The following VAPB variants were observed in gnomAD, a reference collection of about 807,000 sequenced individuals.
VAPB encodes the protein VAMP associated protein B and C.
Under a neutral mutation model 25.6 loss-of-function variants are expected in VAPB, and 7 were observed. The ratio of observed to expected loss-of-function variants is 0.27; its 90% CI spans 0.16 to 0.51. The LOEUF (loss-of-function observed/expected upper bound fraction) is 0.51. VAPB is among the 20% of genes least tolerant of loss of function. The probability of loss-of-function intolerance (pLI) is 0.97; values close to 1 mark genes in which losing one functional copy is unlikely to be tolerated. For synonymous variants in VAPB, 112 were observed against 109.2 expected (o/e 1.03, Z -0.16); for missense variants, 266 against 301.3 (o/e 0.88, Z 0.87).
At position 58,450,306 on chromosome 20, in the gene VAPB, T is replaced by C. The variant is rs1339411823; in HGVS notation, c.*6071T>C. 2.2e-6 allele frequency: 1 copy of C among 453,896 alleles called. No individual in the cohort carries two copies. The highest frequency in any genetic ancestry group is 2.0e-5 in the African/African-American group (1 of 49,990). 28.1% of individuals were successfully genotyped at this position (453,896 alleles called of 1,614,324 possible). On this transcript the variant is annotated 3_prime_UTR_variant, in exon 6 of 6. Transcript: ENST00000475243. ...AGACCATGTGTACAAGAACTACTTTTTGCTTTTCATCATTCACTCCTTAGC... is the reference window on the plus strand; with the variant it reads ...AGACCATGTGTACAAGAACTACTTTCTGCTTTTCATCATTCACTCCTTAGC...
intron 2 of VAPB, among the ~76,000 whole-genome samples, chr20:58,428,647 TTTAAG>T (rs1988860909): frequency 1.3e-5 from 2 of 152,094 alleles, no homozygotes. Flanking sequence ...GTGAAATAAA[TTTAAG>T]TTAATGGCAA....
At position 58,430,006 on chromosome 20, in the gene VAPB, T is replaced by A. The variant is rs138178843; in HGVS notation, c.212-4596T>A. On this transcript the variant is annotated intron_variant, in intron 2 of 5. Coordinates refer to ENST00000475243, the MANE Select transcript of VAPB (RefSeq NM_004738.5). Reference sequence around the variant, plus strand: ...GAGGATCACTTGAGCCCAGGAGTTGTAGGCCAGCCTGGACAACATAGCAAG... The same window carrying A: ...GAGGATCACTTGAGCCCAGGAGTTGAAGGCCAGCCTGGACAACATAGCAAG... Among the ~76,000 whole-genome samples, 390 of 110,722 alleles carry A rather than the reference T, an allele frequency of 3.5e-3. 1 individual carries two copies. Among genetic ancestry groups the A allele is most frequent in the African/African-American group, 0.011 (352 of 31,932 alleles). 72.6% of individuals were successfully genotyped at this position (110,722 alleles called of 152,430 possible).
At position 58,444,721 on chromosome 20, in the gene VAPB, A is replaced by C. The variant is rs1244137780; in HGVS notation, c.*486A>C. The C allele has an allele frequency of 2.2e-6, 1 of 454,536 alleles. No homozygotes were observed. The highest frequency in any genetic ancestry group is 6.9e-5 in the East Asian group (1 of 14,394). 28.2% of individuals were successfully genotyped at this position (454,536 alleles called of 1,614,324 possible). A position where few individuals can be genotyped will look rare whatever the true frequency, so the allele number is the denominator to read the frequency against. On this transcript the variant is annotated 3_prime_UTR_variant, in exon 6 of 6. Transcript: ENST00000475243. ...CTTTCCGTGTCTTCAGTTCTGTCCAAGCCATCAGCTCCTTGGGACTGATGA... is the reference window on the plus strand; with the variant it reads ...CTTTCCGTGTCTTCAGTTCTGTCCACGCCATCAGCTCCTTGGGACTGATGA...
Position 58,447,929 on chromosome 20 carries a change from C to A in VAPB, c.*3694C>A. On this transcript the variant is annotated 3_prime_UTR_variant, in exon 6 of 6. Coordinates refer to ENST00000475243, the MANE Select transcript of VAPB (RefSeq NM_004738.5). Reference sequence around the variant, plus strand: ...TTGAACACCTGAATAACATTTAACTCCTGAGACCTTCTCGGTGTAGAGGCC... The same window carrying A: ...TTGAACACCTGAATAACATTTAACTACTGAGACCTTCTCGGTGTAGAGGCC... The A allele has an allele frequency of 2.2e-6, 1 of 453,784 alleles. No homozygotes were observed. Among genetic ancestry groups the A allele is most frequent in the South Asian group, 1.6e-5 (1 of 64,442 alleles). 28.1% of individuals were successfully genotyped at this position (453,784 alleles called of 1,614,324 possible).
intron 1 of VAPB, among the ~76,000 whole-genome samples, chr20:58,407,615 A>G (rs1988262964): frequency 6.6e-6 from 1 of 151,886 alleles, no homozygotes; most frequent in Non-Finnish European, 1.5e-5. Context: ...AATTTATGGC[A>G]TGTCTGTACT....
At chr20:58,405,502 G>T (rs1046985031) in intron 1 of VAPB, among the ~76,000 whole-genome samples, 1 of 151,730 alleles carries the variant, frequency 6.6e-6, no homozygotes, top group Admixed American at 6.6e-5. Flanking sequence ...TTGCTCTGTC[G>T]CCCAGGCTGG....
chr20:58,390,775 A>T (rs1031729203), intron 1 of VAPB, among the ~76,000 whole-genome samples: 1 of 152,096 alleles, frequency 6.6e-6, no homozygotes, highest in African/African-American at 2.4e-5. Flanking sequence ...AGGGTAACTT[A>T]CCCAAAGTTA....
At chr20:58,400,924 C>T (rs908925824) in intron 1 of VAPB, among the ~76,000 whole-genome samples, 2 of 152,206 alleles carry the variant, frequency 1.3e-5, no homozygotes, top group Admixed American at 6.5e-5. Flanking sequence ...TAAAGTCAGG[C>T]AGTGCTTTAC....
chr20:58,447,001 C>T lies in VAPB; in HGVS notation c.*2766C>T, dbSNP rs6128346. The T allele has an allele frequency of 8.6e-4, 389 of 454,028 alleles. 6 individuals are homozygous for T. The East Asian group carries it at 0.022, about 26-fold the overall frequency. 28.1% of individuals were successfully genotyped at this position (454,028 alleles called of 1,614,324 possible). A position where few individuals can be genotyped will look rare whatever the true frequency, so the allele number is the denominator to read the frequency against. ...AGGGTTAAGAGTCAGATAATCGGGA[C>T]GAAACTGGCATGGAAAGAGCGAGCC... On this transcript the variant is annotated 3_prime_UTR_variant, in exon 6 of 6. Transcript: ENST00000475243.
rs1385364723 is a variant in VAPB at position 58,389,418 on chromosome 20, C to G, written c.-42C>G. 12 of 1,567,582 alleles carry G rather than the reference C, an allele frequency of 7.7e-6. No individual in the cohort carries two copies. Among genetic ancestry groups the G allele is most frequent in the Non-Finnish European group, 1.0e-5 (12 of 1,156,500 alleles). On this transcript the variant is annotated 5_prime_UTR_variant, in exon 1 of 6. Coordinates refer to ENST00000475243, the MANE Select transcript of VAPB (RefSeq NM_004738.5). ...TTAACGCTTCCCGCCCCGGTGACCTCTCAGGGGTCTCCCCGCCAAAGGTGC... is the reference window on the plus strand; with the variant it reads ...TTAACGCTTCCCGCCCCGGTGACCTGTCAGGGGTCTCCCCGCCAAAGGTGC...
At chr20:58,395,019 C>T (rs951929865) in intron 1 of VAPB, among the ~76,000 whole-genome samples, 2 of 152,106 alleles carry the variant, frequency 1.3e-5, no homozygotes, top group African/African-American at 4.8e-5. Flanking sequence ...GTGTTATTAT[C>T]GCTAAGTAGT....
intron 2 of VAPB, chr20:58,432,376 G>A (rs1988946983): frequency 6.6e-6 from 1 of 152,122 alleles, no homozygotes; most frequent in South Asian, 2.1e-4. Flanking sequence ...CTTGGGAGTG[G>A]TGCAATAGCT....
intron 1 of VAPB, among the ~76,000 whole-genome samples, chr20:58,405,426 G>C (rs920617770): frequency 7.2e-5 from 11 of 152,038 alleles, no homozygotes; most frequent in African/African-American, 2.7e-4. Context: ...TGTGAGATGG[G>C]AAGCCACAGA....
chr20:58,421,693 AG>A (rs1988673249), intron 2 of VAPB, among the ~76,000 whole-genome samples: 2 of 151,384 alleles, frequency 1.3e-5, no homozygotes, highest in Admixed American at 1.3e-4. Flanking sequence ...GGAGGGAGGG[AG>A]GGGGAAGGAA....
intron 1 of VAPB, among the ~76,000 whole-genome samples, chr20:58,392,787 G>T (rs1987839644): frequency 6.6e-6 from 1 of 152,142 alleles, no homozygotes; most frequent in East Asian, 1.9e-4. Flanking sequence ...CTTTAATCTT[G>T]GGAATTTTGT....
At position 58,399,041 on chromosome 20, in the gene VAPB, C is replaced by T. The variant is rs895842602; in HGVS notation, c.58+9524C>T. On this transcript the variant is annotated intron_variant, in intron 1 of 5. Coordinates refer to ENST00000475243, the MANE Select transcript of VAPB (RefSeq NM_004738.5). The stretch of plus-strand genomic sequence containing the variant: ...AAAGGCTGGGCACAGTGGCTCACAC[C>T]TGTAATCCCAGCACTTTGGGAGTCT... Among the ~76,000 whole-genome samples, 4 of 152,206 alleles carry T rather than the reference C, an allele frequency of 2.6e-5. No homozygotes were observed. The South Asian group carries it at 8.3e-4, about 32-fold the overall frequency.
chr20:58,413,223 A>T lies in VAPB; in HGVS notation c.59-4988A>T, dbSNP rs1189118771. ...GGGGATTTGGCAGGGTCATAGGACAATAGTGGAGGGAAGGTCAGCAGATAA... is the reference window on the plus strand; with the variant it reads ...GGGGATTTGGCAGGGTCATAGGACATTAGTGGAGGGAAGGTCAGCAGATAA... On this transcript the variant is annotated intron_variant, in intron 1 of 5. Coordinates refer to ENST00000475243, the MANE Select transcript of VAPB (RefSeq NM_004738.5). Among the ~76,000 whole-genome samples, 7 of 150,032 alleles carry T rather than the reference A, an allele frequency of 4.7e-5. No homozygotes were observed. In the East Asian group the frequency reaches 1.2e-3, roughly 25 times the overall value.
intron 2 of VAPB, among the ~76,000 whole-genome samples, chr20:58,428,784 G>A (rs1181124668): frequency 6.6e-6 from 1 of 152,210 alleles, no homozygotes; most frequent in Non-Finnish European, 1.5e-5. Context: ...CCCACTAACA[G>A]GATAGAGCAA....
chr20:58,448,559 T>C lies in VAPB; in HGVS notation c.*4324T>C, dbSNP rs1446274340. On this transcript the variant is annotated 3_prime_UTR_variant, in exon 6 of 6. Transcript: ENST00000475243. ...AACTTTTTAGAACTAAATCAGTCTC[T>C]GTAAGGCCTACATTGCTAAGATACC... 4 of 454,024 alleles carry C rather than the reference T, an allele frequency of 8.8e-6. No individual in the cohort carries two copies. Among genetic ancestry groups the C allele is most frequent in the Non-Finnish European group, 1.8e-5 (4 of 226,800 alleles). The allele number at this position is 454,024 out of a possible 1,614,324, so 28.1% of individuals were successfully genotyped here.
Sources: allele counts gnomAD v4.1 joint callset (sites outside exome capture counted in the v4.1 genomes callset), GRCh38; gene constraint gnomAD v4.1.1; transcripts MANE v1.5; gene names NCBI Gene and HGNC (gene_info 2026-07-23, HGNC 2026-07-21).